TRAPPC10: variants seen among roughly 807,000 people sequenced by gnomAD.
The protein encoded by TRAPPC10 is TRAPP 130 kDa subunit.
Under a neutral mutation model 125.5 loss-of-function variants are expected in TRAPPC10, and 23 were observed. That is an observed-to-expected ratio of 0.18 (90% CI 0.13 to 0.26). The LOEUF (loss-of-function observed/expected upper bound fraction) is 0.26, where lower values mean the gene tolerates loss of function less well. Ranked by LOEUF, TRAPPC10 falls within the 10% of genes least tolerant of loss-of-function variation. The pLI is 1.00. For synonymous variants in TRAPPC10, 509 were observed against 518.0 expected (o/e 0.98, Z 0.24); for missense variants, 1,123 against 1,308.4 (o/e 0.86, Z 2.19).
chr21:44,089,501 A>G lies in TRAPPC10; in HGVS notation c.2770-332A>G, dbSNP rs558483131. 1,017 of 478,216 alleles carry G rather than the reference A, an allele frequency of 2.1e-3. 3 individuals are homozygous for G. Among genetic ancestry groups the G allele is most frequent in the South Asian group, 5.1e-3 (329 of 64,604 alleles). 29.6% of individuals were successfully genotyped at this position (478,216 alleles called of 1,614,324 possible). On this transcript the variant is annotated intron_variant, in intron 17 of 22. Coordinates refer to ENST00000291574, the MANE Select transcript of TRAPPC10 (RefSeq NM_003274.5). ...AAACCCTGTGCACATTGCAACATGC[A>G]TGGCTCCGCGGCCCTGCGTGTATGG...
At position 44,087,160 on chromosome 21, in the gene TRAPPC10, G is replaced by T. The variant is rs1416621384; in HGVS notation, c.2539+200G>T. Among the ~76,000 whole-genome samples the T allele has an allele frequency of 6.6e-6, 1 of 152,226 alleles. No individual in the cohort carries two copies. Among genetic ancestry groups the T allele is most frequent in the South Asian group, 2.1e-4 (1 of 4,836 alleles). ...GTGATAAACTGAGAGTGGTTCACACGCTGAGTGGCCGAGCAGTGCTTGTCT... is the reference window on the plus strand; with the variant it reads ...GTGATAAACTGAGAGTGGTTCACACTCTGAGTGGCCGAGCAGTGCTTGTCT... On this transcript the variant is annotated intron_variant, in intron 16 of 22. Coordinates refer to ENST00000291574, the MANE Select transcript of TRAPPC10 (RefSeq NM_003274.5). This position sits in a 1 kb window ranked among gnomAD's most constrained non-coding sequence, Gnocchi z 4.6.
chr21:44,066,903 G>A (rs980533411), intron 7 of TRAPPC10, among the ~76,000 whole-genome samples: 1 of 152,188 alleles, frequency 6.6e-6, no homozygotes, highest in African/African-American at 2.4e-5. Flanking sequence ...CTGTTTTCCT[G>A]CACCTTTGGT....
chr21:44,052,291 G>A lies in TRAPPC10; in HGVS notation c.297G>A (p.Val99=), dbSNP rs1197005930. Reference sequence around the variant, plus strand: ...TTGTTTGTTTTTAGGATACCGAAGTGTATAAAGCTACAGTAAAAGATGACC... The same window carrying A: ...TTGTTTGTTTTTAGGATACCGAAGTATATAAAGCTACAGTAAAAGATGACC... The part of the protein sequence containing the change: ...IYWTECCDTE[V]YKATVKDDLT... The change falls in exon 4 of 23, where the codon GTG becomes GTA. Residue 99 remains valine (V), a synonymous_variant. Transcript: ENST00000291574. 4 of 1,598,374 alleles carry A rather than the reference G, an allele frequency of 2.5e-6. No homozygotes were observed. Among genetic ancestry groups the A allele is most frequent in the Non-Finnish European group, 3.4e-6 (4 of 1,175,454 alleles).
intron 9 of TRAPPC10, among the ~76,000 whole-genome samples, chr21:44,075,613 G>A (rs2146034277): frequency 6.6e-6 from 1 of 152,198 alleles, no homozygotes; most frequent in South Asian, 2.1e-4. Context: ...ACCCTCCCAG[G>A]TAGCTGGGAC....
chr21:44,063,518 C>G lies in TRAPPC10; in HGVS notation c.791-20C>G. 6.2e-7 allele frequency: 1 copy of G among 1,612,486 alleles called. No homozygotes were observed. The highest frequency in any genetic ancestry group is 2.2e-5 in the East Asian group (1 of 44,868). On this transcript the variant is annotated intron_variant, in intron 6 of 22. Coordinates refer to ENST00000291574, the MANE Select transcript of TRAPPC10 (RefSeq NM_003274.5). The surrounding 1 kb of genome is among the most constrained non-coding windows in gnomAD (Gnocchi z 4.4). ...TGAAGTACCTGCAATCAGCACCTTTCATGATGTGTGTTTGTTTAGATGGTG... is the reference window on the plus strand; with the variant it reads ...TGAAGTACCTGCAATCAGCACCTTTGATGATGTGTGTTTGTTTAGATGGTG...
At chr21:44,013,985 T>A (rs1481552729) in intron 1 of TRAPPC10, among the ~76,000 whole-genome samples, 3 of 152,224 alleles carry the variant, frequency 2.0e-5, no homozygotes, top group Non-Finnish European at 4.4e-5. Flanking sequence ...CATGCGCAGT[T>A]CATGTTAAGT....
chr21:44,049,068 T>C (rs911565940), intron 3 of TRAPPC10, among the ~76,000 whole-genome samples: 1 of 152,194 alleles, frequency 6.6e-6, no homozygotes, highest in Admixed American at 6.5e-5. Flanking sequence ...CAGCCCTGGC[T>C]CCTTCCAGTG....
chr21:44,055,932 C>T (rs757748657), intron 5 of TRAPPC10, 39 bp downstream of exon 5: 17 of 1,478,158 alleles, frequency 1.2e-5, no homozygotes, highest in African/African-American at 2.7e-5. Flanking sequence ...TTCCTTCTCT[C>T]CTTCCCTCCT....
chr21:44,074,852 C>T (rs982908071), intron 8 of TRAPPC10, among the ~76,000 whole-genome samples, 187 bp from the exon 9 acceptor site: 6 of 152,198 alleles, frequency 3.9e-5, no homozygotes, highest in African/African-American at 1.4e-4. Flanking sequence ...GCGGAGGATT[C>T]CCACCCTCCA....
Position 44,055,686 on chromosome 21 carries a change from A to C in TRAPPC10, c.483-12A>C. 1 of 1,587,386 alleles carries C rather than the reference A, an allele frequency of 6.3e-7. No individual in the cohort carries two copies. The highest frequency in any genetic ancestry group is 8.6e-7 in the Non-Finnish European group (1 of 1,159,858). On this transcript the variant is annotated splice_polypyrimidine_tract_variant and intron_variant, in intron 4 of 22. Coordinates refer to ENST00000291574, the MANE Select transcript of TRAPPC10 (RefSeq NM_003274.5). ...AGGGTCTTTCCCAGATAGTCTGTTC[A>C]TGTCTTTGCAGGTGTGTTGTGCTCT...
intron 1 of TRAPPC10, among the ~76,000 whole-genome samples, chr21:44,019,529 T>G (rs2032258243): frequency 6.6e-6 from 1 of 152,252 alleles, no homozygotes; most frequent in Non-Finnish European, 1.5e-5. Flanking sequence ...AGAGAATATT[T>G]GTTTTTAAAT....
intron 6 of TRAPPC10, among the ~76,000 whole-genome samples, chr21:44,060,915 T>TACATACACACACACACACACACACACAC (rs60633801): frequency 7.6e-6 from 1 of 132,192 alleles, no homozygotes; most frequent in African/African-American, 3.0e-5. Flanking sequence ...CATACATACA[T>TACATACACACACACACACACACACACAC]ACACACACAC....
chr21:44,021,921 A>G (rs2032540758), intron 1 of TRAPPC10, among the ~76,000 whole-genome samples: 1 of 152,168 alleles, frequency 6.6e-6, no homozygotes, highest in Admixed American at 6.5e-5. Flanking sequence ...CTTGACCTAC[A>G]GAGCTATGAG....
intron 14 of TRAPPC10, among the ~76,000 whole-genome samples, 170 bp downstream of exon 14, chr21:44,083,472 A>G (rs946364983): frequency 2.0e-5 from 3 of 152,208 alleles, no homozygotes; most frequent in Middle Eastern, 3.2e-3. Context: ...TTCGTGTTTT[A>G]TACAATTTTC....
intron 3 of TRAPPC10, among the ~76,000 whole-genome samples, chr21:44,052,037 G>C (rs1419164329): frequency 6.6e-6 from 1 of 152,218 alleles, no homozygotes; most frequent in African/African-American, 2.4e-5. Flanking sequence ...GGATCACTGG[G>C]ACGCTCACAT....
intron 2 of TRAPPC10, among the ~76,000 whole-genome samples, chr21:44,033,756 G>A (rs2033772498): frequency 6.6e-6 from 1 of 152,100 alleles, no homozygotes; most frequent in African/African-American, 2.4e-5. Context: ...CTAGCCACTT[G>A]GGAGGCTGAG....
intron 13 of TRAPPC10, among the ~76,000 whole-genome samples, chr21:44,080,473 C>T (rs1243563128): frequency 6.6e-6 from 1 of 152,014 alleles, no homozygotes; most frequent in Non-Finnish European, 1.5e-5. Context: ...TCACATATTA[C>T]ATGTGGTTGT....
chr21:44,035,735 C>T (rs1346503833), intron 2 of TRAPPC10, among the ~76,000 whole-genome samples: 1 of 152,064 alleles, frequency 6.6e-6, no homozygotes, highest in South Asian at 2.1e-4. Context: ...CAAGATTGCA[C>T]CATTACACTC....
Position 44,089,938 on chromosome 21 carries a change from C to T in TRAPPC10, c.2870+5C>T, listed in dbSNP as rs147989856. 9.9e-6 allele frequency: 16 copies of T among 1,610,214 alleles called. No individual in the cohort carries two copies. The African/African-American group carries it at 1.1e-4, about 11-fold the overall frequency. Reference sequence around the variant, plus strand: ...CCTCCTGTCCTCAGGAACACGGTAACGGAGGCGTAGCGTGCGGGCCCTGGC... The same window carrying T: ...CCTCCTGTCCTCAGGAACACGGTAATGGAGGCGTAGCGTGCGGGCCCTGGC... On this transcript the variant is annotated splice_donor_5th_base_variant and intron_variant, in intron 18 of 22. Transcript: ENST00000291574.
Sources: gnomAD v4.1 joint callset for allele counts (sites outside exome capture counted in the v4.1 genomes callset) on GRCh38, gnomAD v4.1.1 for gene constraint, Gnocchi (gnomAD v3.1) non-coding constraint, MANE v1.5 for transcripts, NCBI Gene and HGNC (gene_info 2026-07-23, HGNC 2026-07-21) for gene names.